The following AKAP13 variants were observed in gnomAD, a reference collection of about 807,000 sequenced individuals.
The protein encoded by AKAP13 is A-kinase anchoring protein 13, also known as A-kinase anchor protein 13.
Under a neutral mutation model 264.5 loss-of-function variants are expected in AKAP13, and 80 were observed. That is an observed-to-expected ratio of 0.30 (90% CI 0.25 to 0.36). The LOEUF (loss-of-function observed/expected upper bound fraction) is 0.36. Ranked by LOEUF, AKAP13 falls within the 10% of genes least tolerant of loss-of-function variation. The pLI, the probability that AKAP13 is intolerant of heterozygous loss-of-function variation, is 1.00. For missense variants in AKAP13, 3,712 were observed against 3,435.2 expected (o/e 1.08, Z -2.01); for synonymous variants, 1,380 against 1,250.2 (o/e 1.10, Z -2.19).
At chr15:85,728,643 A>G (rs2087761763) in intron 29 of AKAP13, among the ~76,000 whole-genome samples, 1 of 151,990 alleles carries the variant, frequency 6.6e-6, no homozygotes, top group Non-Finnish European at 1.5e-5. Context: ...AGTAAGTCTC[A>G]CAGAGAAGCT....
At chr15:85,494,684 T>A (rs2075822944) in intron 2 of AKAP13, among the ~76,000 whole-genome samples, 1 of 152,108 alleles carries the variant, frequency 6.6e-6, no homozygotes, top group Admixed American at 6.6e-5. Context: ...AGAGAGAGAT[T>A]GAGGGAAGTT....
At chr15:85,598,560 C>T (rs1012714948) in intron 8 of AKAP13, among the ~76,000 whole-genome samples, 2 of 152,178 alleles carry the variant, frequency 1.3e-5, no homozygotes, top group African/African-American at 2.4e-5. Context: ...AGATGTTACT[C>T]TTGTGCATTT....
chr15:85,466,299 A>G (rs1281928831), intron 1 of AKAP13, among the ~76,000 whole-genome samples: 1 of 151,974 alleles, frequency 6.6e-6, no homozygotes, highest in African/African-American at 2.4e-5. Context: ...CCCATTTTGT[A>G]GGTTGCCTGT....
At chr15:85,469,715 A>T (rs1444233538) in intron 1 of AKAP13, among the ~76,000 whole-genome samples, 2 of 152,232 alleles carry the variant, frequency 1.3e-5, no homozygotes, top group African/African-American at 2.4e-5. Flanking sequence ...CTGAACAGAG[A>T]ATCTTAAAAT....
intron 17 of AKAP13, among the ~76,000 whole-genome samples, chr15:85,703,090 A>C (rs1039003162): frequency 2.0e-5 from 3 of 152,380 alleles, no homozygotes; most frequent in African/African-American, 7.2e-5. Context: ...AAAATAAACA[A>C]GTAAACCAGC....
chr15:85,619,848 T>G, intron 8 of AKAP13: 1 of 1,358,182 alleles, frequency 7.4e-7, no homozygotes, highest in Non-Finnish European at 9.5e-7. Context: ...TCTACATTCA[T>G]CTTTCCAGCA....
intron 8 of AKAP13, among the ~76,000 whole-genome samples, chr15:85,588,636 CCT>C (rs2042114690): frequency 3.3e-5 from 5 of 152,190 alleles, no homozygotes; most frequent in Admixed American, 1.3e-4. Context: ...GAAAAGGTCT[CCT>C]CTCTCAGTCC....
At chr15:85,625,343 T>C (rs1481991059) in intron 8 of AKAP13, among the ~76,000 whole-genome samples, 1 of 152,212 alleles carries the variant, frequency 6.6e-6, no homozygotes, top group Non-Finnish European at 1.5e-5. Context: ...ACACTGATGA[T>C]TTTTTCCTAT....
intron 4 of AKAP13, among the ~76,000 whole-genome samples, chr15:85,542,734 G>T (rs2077614609): frequency 6.6e-6 from 1 of 152,234 alleles, no homozygotes; most frequent in Non-Finnish European, 1.5e-5. Context: ...GAGGACTGCT[G>T]AAGGAAGAGA....
intron 1 of AKAP13, among the ~76,000 whole-genome samples, chr15:85,441,061 A>G (rs1392234271): frequency 6.6e-6 from 1 of 152,186 alleles, no homozygotes; most frequent in African/African-American, 2.4e-5. Context: ...TTTTGTAATT[A>G]TGTTTTCACA....
intron 12 of AKAP13, among the ~76,000 whole-genome samples, chr15:85,660,795 A>G (rs958420502): frequency 3.9e-5 from 6 of 152,154 alleles, no homozygotes; most frequent in African/African-American, 1.4e-4. Flanking sequence ...TAAGCTTTAT[A>G]CCACTAATTT....
At chr15:85,732,162 G>T (rs1249944215) in intron 30 of AKAP13, among the ~76,000 whole-genome samples, 1 of 148,616 alleles carries the variant, frequency 6.7e-6, no homozygotes, top group African/African-American at 2.5e-5. Flanking sequence ...TGTTCCTTTT[G>T]TGAACACCTC....
chr15:85,390,465 G>T (rs1037824313), intron 1 of AKAP13, among the ~76,000 whole-genome samples: 8 of 152,178 alleles, frequency 5.3e-5, no homozygotes, highest in African/African-American at 1.9e-4. Context: ...GGCTGGAATG[G>T]GTGAGAAAGA....
intron 3 of AKAP13, among the ~76,000 whole-genome samples, chr15:85,529,382 C>T (rs1567107985): frequency 6.6e-6 from 1 of 152,192 alleles, no homozygotes; most frequent in Admixed American, 6.5e-5. Flanking sequence ...GATCGTGCCA[C>T]TGCACTCCAG....
At chr15:85,470,936 A>G (rs956561797) in intron 1 of AKAP13, among the ~76,000 whole-genome samples, 2 of 152,158 alleles carry the variant, frequency 1.3e-5, no homozygotes, top group Admixed American at 6.5e-5. Flanking sequence ...TCTTATCCTT[A>G]TTATCTATTC....
chr15:85,421,928 A>G (rs143992648), intron 1 of AKAP13, among the ~76,000 whole-genome samples: 4 of 152,336 alleles, frequency 2.6e-5, no homozygotes, highest in African/African-American at 7.2e-5. Context: ...AGGGAGGTCT[A>G]TACTCTATCT....
chr15:85,473,250 T>C (rs1361187584), intron 1 of AKAP13, among the ~76,000 whole-genome samples: 1 of 151,832 alleles, frequency 6.6e-6, no homozygotes, highest in Non-Finnish European at 1.5e-5. Flanking sequence ...TGGGCGCGGG[T>C]GTGGGGGTGG....
Position 85,645,841 on chromosome 15 carries a change from G to T in AKAP13, c.4261G>T (p.Gly1421Ter). 1 of 1,599,978 alleles carries T rather than the reference G, an allele frequency of 6.3e-7. No individual in the cohort carries two copies. The highest frequency in any genetic ancestry group is 1.7e-5 in the Admixed American group (1 of 59,180). The change falls in exon 10 of 37, where the codon GGA (glycine) becomes TGA (stop). Residue 1421 changes from glycine (G) to a stop codon, truncating the protein, a stop_gained. Transcript: ENST00000394518. LOFTEE classifies it high-confidence loss of function. Reference protein sequence around the residue: ...SPECENFLDVGLGRECTSKQG... With the variant: ...SPECENFLDV ...AGAATGTGAGAACTTCCTGGATGTT[G>T]GACTGGGCAGAGAGTGTACCTCAAA...
chr15:85,490,964 A>AGGAGC (rs1173818411), intron 2 of AKAP13, among the ~76,000 whole-genome samples: 2 of 152,042 alleles, frequency 1.3e-5, no homozygotes, highest in Non-Finnish European at 2.9e-5. Flanking sequence ...TGAGACCTGA[A>AGGAGC]GGAGCCAGCA....
Sources: gnomAD v4.1 joint callset for allele counts (sites outside exome capture counted in the v4.1 genomes callset) on GRCh38, gnomAD v4.1.1 for gene constraint, MANE v1.5 for transcripts, NCBI Gene and HGNC (gene_info 2026-07-23, HGNC 2026-07-21) for gene names.